Variants in LRP1B observed in about 807,000 individuals in gnomAD.
LRP1B encodes the protein LDL receptor related protein 1B.
LRP1B carries 217 observed loss-of-function variants against 556.6 expected under a neutral mutation model. The ratio of observed to expected loss-of-function variants is 0.39; its 90% confidence interval spans 0.35 to 0.44. The LOEUF (loss-of-function observed/expected upper bound fraction) is 0.44, where lower values mean the gene tolerates loss of function less well. LRP1B is among the 20% of genes least tolerant of loss of function. The pLI, the probability that LRP1B is intolerant of heterozygous loss-of-function variation, is 1.00. For missense variants in LRP1B, 5,053 were observed against 5,620.8 expected, an observed-to-expected ratio of 0.90 and a Z score of 3.23; for synonymous variants, 2,047 against 1,865.8, an observed-to-expected ratio of 1.10 and a Z score of -2.50.
intron 1 of LRP1B, among the ~76,000 whole-genome samples, chr2:142,024,002 C>G (rs545881042): frequency 1.4e-4 from 22 of 151,994 alleles, no homozygotes; most frequent in African/African-American, 5.3e-4. Context: ...TAGAATATGC[C>G]CACACAATTA....
rs75707276 is a variant in LRP1B at position 140,261,282 on chromosome 2, A to G, written c.13247+8960T>C. On this transcript the variant is annotated intron_variant, in intron 86 of 90. Transcript: ENST00000389484. ...CCAAATATAACTCACATTTAAATATATGAACCTCATAGTTTTATACTATTC... is the reference window on the plus strand; with the variant it reads ...CCAAATATAACTCACATTTAAATATGTGAACCTCATAGTTTTATACTATTC... 3.9e-3 allele frequency among the ~76,000 whole-genome samples: 595 copies of G among 152,030 alleles called. 2 individuals carry two copies. Among genetic ancestry groups the G allele is most frequent in the Non-Finnish European group, 6.2e-3 (418 of 67,878 alleles).
chr2:141,935,984 A>T (rs1700625549), intron 1 of LRP1B, among the ~76,000 whole-genome samples: 1 of 152,192 alleles, frequency 6.6e-6, no homozygotes, highest in Admixed American at 6.5e-5. Context: ...GCCACTTTCA[A>T]GTGATGCACA....
intron 32 of LRP1B, among the ~76,000 whole-genome samples, chr2:140,799,547 A>G (rs923773122): frequency 6.6e-6 from 1 of 152,202 alleles, no homozygotes; most frequent in African/African-American, 2.4e-5. Context: ...TAATTCCTGC[A>G]TAATATTTCA....
At chr2:141,181,298 A>G (rs1680979832) in intron 7 of LRP1B, among the ~76,000 whole-genome samples, 1 of 152,024 alleles carries the variant, frequency 6.6e-6, no homozygotes, top group Non-Finnish European at 1.5e-5. Flanking sequence ...ATTACAGAGC[A>G]AAGAAATAGA....
At chr2:141,623,005 A>G (rs1239391007) in intron 2 of LRP1B, among the ~76,000 whole-genome samples, 1 of 152,198 alleles carries the variant, frequency 6.6e-6, no homozygotes, top group Non-Finnish European at 1.5e-5. Context: ...AGCATAACAC[A>G]TATGGTTCAG....
intron 78 of LRP1B, 27 bp from the exon 79 acceptor site, chr2:140,334,586 G>A (rs1466315255): frequency 1.5e-6 from 2 of 1,318,288 alleles, no homozygotes; most frequent in Admixed American, 2.4e-5. Flanking sequence ...AGAGAGGTTA[G>A]CCTGGTGATG....
At chr2:140,939,764 A>G (rs1695340513) in intron 20 of LRP1B, among the ~76,000 whole-genome samples, 1 of 151,732 alleles carries the variant, frequency 6.6e-6, no homozygotes, top group Admixed American at 6.6e-5. Flanking sequence ...CAACATGAAA[A>G]TCCAAACATT....
At position 140,946,479 on chromosome 2, in the gene LRP1B, AG is replaced by A. The variant is rs563540621; in HGVS notation, c.3136+3755del. Among the ~76,000 whole-genome samples the A allele has an allele frequency of 2.7e-3, 405 of 152,160 alleles. 2 individuals carry two copies. The highest frequency in any genetic ancestry group is 9.3e-3 in the African/African-American group (384 of 41,510). ...GCTGGGTATGGTGGCTCACACCTGT[AG>A]TCCCAAGCTACTTGGGAGGCTGAGG... On this transcript the variant is annotated intron_variant, in intron 20 of 90. Transcript: ENST00000389484.
chr2:141,822,515 G>A (rs974356877), intron 1 of LRP1B, among the ~76,000 whole-genome samples: 3 of 151,916 alleles, frequency 2.0e-5, no homozygotes, highest in African/African-American at 7.3e-5. Context: ...ATCTCCCATG[G>A]GATACCAAAA....
At chr2:140,409,279 G>T (rs1312874092) in intron 66 of LRP1B, among the ~76,000 whole-genome samples, 3 of 151,916 alleles carry the variant, frequency 2.0e-5, no homozygotes, top group Admixed American at 2.0e-4. Context: ...TAAAGTCGGT[G>T]ATGTGATATC....
rs190964993 is a variant in LRP1B, at chr2:141,519,977, T to C, written c.206-39444A>G. On this transcript the variant is annotated intron_variant, in intron 2 of 90. Coordinates refer to ENST00000389484, the MANE Select transcript of LRP1B (RefSeq NM_018557.3). ...GGGAAGAATAAGTAAAATATAAGTG[T>C]ATAATAGTTGTGTTATGCTGAAACA... Among the ~76,000 whole-genome samples the C allele has an allele frequency of 1.9e-3, 288 of 152,222 alleles. 1 individual carries two copies. The highest frequency in any genetic ancestry group is 0.017 in the Middle Eastern group (5 of 294).
intron 3 of LRP1B, among the ~76,000 whole-genome samples, chr2:141,298,131 G>A (rs182030956): frequency 6.6e-6 from 1 of 152,178 alleles, no homozygotes; most frequent in African/African-American, 2.4e-5. Context: ...TTCAGCACCT[G>A]GCAAAATGTC....
chr2:142,102,554 A>T (rs1005397959), intron 1 of LRP1B, among the ~76,000 whole-genome samples: 18 of 114,212 alleles, frequency 1.6e-4, no homozygotes, highest in South Asian at 5.2e-4. Context: ...AAAATAAAAT[A>T]AAAAAATAAA....
In LRP1B at chr2:141,518,415, T is replaced by C. The variant is rs537206319; in HGVS notation, c.206-37882A>G. The stretch of plus-strand genomic sequence containing the variant: ...AACGATTTCTTAGTGATTAAAATTG[T>C]TTTGAATATAGGCTACTTTATTTCT... On this transcript the variant is annotated intron_variant, in intron 2 of 90. Coordinates refer to ENST00000389484, the MANE Select transcript of LRP1B (RefSeq NM_018557.3). Among the ~76,000 whole-genome samples the C allele has an allele frequency of 5.9e-5, 9 of 152,260 alleles. No individual in the cohort carries two copies. The South Asian group carries it at 1.2e-3, about 21-fold the overall frequency.
chr2:141,200,693 T>C (rs1483756004), intron 6 of LRP1B, among the ~76,000 whole-genome samples: 1 of 152,132 alleles, frequency 6.6e-6, no homozygotes, highest in East Asian at 1.9e-4. Context: ...ATTTTATTTT[T>C]CTTGTAGTTT....
At chr2:140,375,025 A>C (rs1112472) in intron 68 of LRP1B, among the ~76,000 whole-genome samples, 16,451 of 152,142 alleles carry the variant, frequency 0.11, 959 homozygotes, top group African/African-American at 0.16. Context: ...TGAAGAAAAC[A>C]AGTCAGTTAT....
chr2:142,119,495 ACT>A (rs1208023099), intron 1 of LRP1B, among the ~76,000 whole-genome samples: 9 of 152,144 alleles, frequency 5.9e-5, no homozygotes, highest in African/African-American at 1.7e-4. Flanking sequence ...ATAAACCTAA[ACT>A]CTCACTTTTT....
chr2:140,898,860 T>C, intron 23 of LRP1B: 1 of 452,584 alleles, frequency 2.2e-6, no homozygotes, highest in South Asian at 1.6e-5. Flanking sequence ...GAAGTATACC[T>C]GACATAGTAG....
chr2:141,492,691 A>G (rs1683376561), intron 2 of LRP1B, among the ~76,000 whole-genome samples: 1 of 152,204 alleles, frequency 6.6e-6, no homozygotes, highest in Non-Finnish European at 1.5e-5. Context: ...TGGAAGAATC[A>G]TAGTGCGAGA....
Sources: allele counts gnomAD v4.1 joint callset (sites outside exome capture counted in the v4.1 genomes callset), GRCh38; gene constraint gnomAD v4.1.1; transcripts MANE v1.5; gene names NCBI Gene and HGNC (gene_info 2026-07-23, HGNC 2026-07-21).